The following ERI1 variants were observed in gnomAD, a reference collection of about 807,000 sequenced individuals.
ERI1 encodes exoribonuclease 1.
In ERI1, 39 loss-of-function variants were observed where a neutral mutation model predicts 39.7. The observed-to-expected ratio is 0.98, with a 90% CI of 0.76 to 1.28. The LOEUF is 1.28. Ranked by LOEUF, ERI1 falls within the 50% of genes most tolerant of loss-of-function variation. ERI1 has a pLI of 0.00. For missense variants in ERI1, 581 were observed against 416.9 expected (o/e 1.39, Z -3.43); for synonymous variants, 204 against 149.6 (o/e 1.36, Z -2.65).
chr8:9,011,337 A>C (rs1447711031), intron 2 of ERI1, among the ~76,000 whole-genome samples: 1 of 152,212 alleles, frequency 6.6e-6, no homozygotes, highest in Non-Finnish European at 1.5e-5. Context: ...TGTGAAGGAA[A>C]ATGTTAATGT....
At chr8:9,014,407 A>T (rs1022146673) in intron 3 of ERI1, among the ~76,000 whole-genome samples, 2 of 151,670 alleles carry the variant, frequency 1.3e-5, no homozygotes, top group African/African-American at 4.8e-5. Context: ...CATGTTTCTG[A>T]CCCCCCTTAC....
chr8:9,067,929 C>CACAA (rs1209957556), intron 3 of ERI1, among the ~76,000 whole-genome samples: 2 of 151,834 alleles, frequency 1.3e-5, no homozygotes. Context: ...CAAATACACA[C>CACAA]ACACACACAC....
chr8:9,071,951 G>A (rs2044389), intron 3 of ERI1, among the ~76,000 whole-genome samples: 20,874 of 152,076 alleles, frequency 0.14, 1,584 homozygotes, highest in African/African-American at 0.17. Context: ...CTGTAGTCCC[G>A]CCTATTTGGG....
intron 1 of ERI1, chr8:9,004,138 T>G (rs1815694067): frequency 2.3e-6 from 3 of 1,289,382 alleles, no homozygotes. Flanking sequence ...CTCTGTATGT[T>G]CCTTTTGCCC....
chr8:9,050,783 C>G (rs1267365581), intron 3 of ERI1, among the ~76,000 whole-genome samples: 2 of 152,190 alleles, frequency 1.3e-5, no homozygotes, highest in Admixed American at 1.3e-4. Context: ...GTCTATCCCA[C>G]CACAACTCCG....
intron 2 of ERI1, among the ~76,000 whole-genome samples, chr8:9,010,650 T>C (rs1816568209): frequency 6.6e-6 from 1 of 152,038 alleles, no homozygotes; most frequent in African/African-American, 2.4e-5. Context: ...GATCTTTTTA[T>C]TTTTACTTCC....
At chr8:9,019,144 A>G (rs1439880808) in intron 5 of ERI1, among the ~76,000 whole-genome samples, 1 of 152,220 alleles carries the variant, frequency 6.6e-6, no homozygotes, top group African/African-American at 2.4e-5. Context: ...TTGTTAAATG[A>G]AAAGCTAAAT....
intron 3 of ERI1, among the ~76,000 whole-genome samples, chr8:9,016,062 T>C (rs1817243110): frequency 6.6e-6 from 1 of 152,226 alleles, no homozygotes. Context: ...ATTTTGTTCC[T>C]CAGGAAAATA....
chr8:9,004,249 TC>T (rs1321849192), intron 1 of ERI1: 5 of 1,206,970 alleles, frequency 4.1e-6, no homozygotes, highest in Admixed American at 6.1e-5. Context: ...GAACCACTCT[TC>T]CACCTGCCTC....
intron 1 of ERI1, chr8:9,004,428 C>T (rs1188166931): frequency 3.0e-5 from 9 of 301,476 alleles, no homozygotes; most frequent in Admixed American, 1.1e-4. Context: ...TCCAAATTGG[C>T]TTTAGTGACG....
chr8:9,072,784 C>A (rs1178281659), intron 3 of ERI1, among the ~76,000 whole-genome samples: 1 of 152,126 alleles, frequency 6.6e-6, no homozygotes, highest in Non-Finnish European at 1.5e-5. Flanking sequence ...CACCCCACTC[C>A]CGACAGAAGC....
At chr8:9,022,209 C>T (rs1817983514) in intron 6 of ERI1, among the ~76,000 whole-genome samples, 1 of 151,908 alleles carries the variant, frequency 6.6e-6, no homozygotes, top group Non-Finnish European at 1.5e-5. Flanking sequence ...TGTGTGATAC[C>T]ATCTCATTGA....
chr8:9,038,651 G>A (rs902548782), intron 3 of ERI1, among the ~76,000 whole-genome samples: 1 of 152,166 alleles, frequency 6.6e-6, no homozygotes, highest in African/African-American at 2.4e-5. Flanking sequence ...CATCTACTTG[G>A]GGGGCTGACT....
chr8:9,076,524 T>C (rs1360731956), intron 3 of ERI1, among the ~76,000 whole-genome samples: 1 of 152,234 alleles, frequency 6.6e-6, no homozygotes, highest in Non-Finnish European at 1.5e-5. Flanking sequence ...TTCTCTCAAG[T>C]ACTCCCAATA....
At chr8:9,059,292 G>A (rs1008799319) in intron 3 of ERI1, among the ~76,000 whole-genome samples, 1 of 152,188 alleles carries the variant, frequency 6.6e-6, no homozygotes, top group Non-Finnish European at 1.5e-5. Flanking sequence ...TGATGGCTTA[G>A]CTTGGGCTCA....
intron 3 of ERI1, among the ~76,000 whole-genome samples, chr8:9,080,402 G>A (rs1423285459): frequency 6.6e-6 from 1 of 152,204 alleles, no homozygotes; most frequent in South Asian, 2.1e-4. Context: ...TGCCCTCTGA[G>A]TGACAGTGAC....
chr8:9,056,596 A>G (rs766995336), intron 3 of ERI1, among the ~76,000 whole-genome samples: 3 of 152,128 alleles, frequency 2.0e-5, no homozygotes, highest in Non-Finnish European at 4.4e-5. Context: ...CTTTTGGCCC[A>G]TTTTCGAAAT....
chr8:9,003,129 G>T lies in ERI1; in HGVS notation c.66G>T (p.Pro22=). 1 of 1,245,526 alleles carries T rather than the reference G, an allele frequency of 8.0e-7. No homozygotes were observed. The highest frequency in any genetic ancestry group is 1.0e-6 in the Non-Finnish European group (1 of 990,196). 77.2% of individuals were successfully genotyped at this position (1,245,526 alleles called of 1,614,324 possible). ...EAVALALLES[P]RPEGGEEPPR... ...TGGCTCTCGCGCTGCTGGAGTCGCCGCGGCCGGAGGGCGGGGAGGAGCCGC... is the reference window on the plus strand; with the variant it reads ...TGGCTCTCGCGCTGCTGGAGTCGCCTCGGCCGGAGGGCGGGGAGGAGCCGC... The change falls in exon 1 of 7, where the codon CCG becomes CCT. Residue 22 remains proline (P), a synonymous_variant. Coordinates refer to ENST00000250263, the MANE Select transcript of ERI1 (RefSeq NM_153332.4).
intron 3 of ERI1, among the ~76,000 whole-genome samples, chr8:9,045,104 C>T (rs974383511): frequency 4.6e-5 from 7 of 151,646 alleles, no homozygotes; most frequent in South Asian, 2.1e-4. Context: ...GGCGTAGTGG[C>T]GGGCACCTGT....
Sources: gnomAD v4.1 joint callset for allele counts (sites outside exome capture counted in the v4.1 genomes callset) on GRCh38, gnomAD v4.1.1 for gene constraint, MANE v1.5 for transcripts, NCBI Gene and HGNC (gene_info 2026-07-23, HGNC 2026-07-21) for gene names.